The following UBXN4 variants were observed in gnomAD, a reference collection of about 807,000 sequenced individuals.
The protein encoded by UBXN4 is UBX domain protein 4, also known as UBX domain-containing protein 4.
A neutral mutation model predicts 66.2 loss-of-function variants in UBXN4; 35 were observed. That is an observed-to-expected ratio of 0.53 (90% CI 0.40 to 0.70). UBXN4 has a LOEUF of 0.70. Ranked by LOEUF, UBXN4 falls within the 30% of genes least tolerant of loss-of-function variation. The pLI, the probability that UBXN4 is intolerant of heterozygous loss-of-function variation, is 0.00. For missense variants in UBXN4, 533 were observed against 599.8 expected (o/e 0.89, Z 1.16); for synonymous variants, 203 against 204.5 (o/e 0.99, Z 0.06).
chr2:135,757,284 G>A (rs2077284108), intron 5 of UBXN4, among the ~76,000 whole-genome samples: 1 of 152,156 alleles, frequency 6.6e-6, no homozygotes, highest in African/African-American at 2.4e-5. Context: ...AGCCCATCCA[G>A]TGAATTTTTT....
chr2:135,762,049 A>G, intron 6 of UBXN4, 138 bp downstream of exon 6: 1 of 803,300 alleles, frequency 1.2e-6, no homozygotes, highest in Non-Finnish European at 2.0e-6. Context: ...CACCTAACTA[A>G]TTTGTATCCA....
At position 135,772,409 on chromosome 2, in the gene UBXN4, A is replaced by C; in HGVS notation, c.823-11A>C. The C allele has an allele frequency of 6.2e-7, 1 of 1,612,462 alleles. No individual in the cohort carries two copies. ...CAGTAAAGGTAATTGGTATTTAATG[A>C]TGTTTTAAAGGACCGTGCAGAGAGA... On this transcript the variant is annotated splice_polypyrimidine_tract_variant and intron_variant, in intron 8 of 12. Transcript: ENST00000272638.
At position 135,741,977 on chromosome 2, in the gene UBXN4, A is replaced by G; in HGVS notation, c.48A>G (p.Lys16=). 6.2e-7 allele frequency: 1 copy of G among 1,613,430 alleles called. No homozygotes were observed. Among genetic ancestry groups the G allele is most frequent in the South Asian group, 1.1e-5 (1 of 91,030 alleles). Residue 16 remains lysine, a synonymous_variant, in exon 1 of 13, where the codon AAA becomes AAG. Transcript: ENST00000272638. ...TTCCGGCCGCCATCGCGACGGCCAAAAGGAGCGGCGCGGTCTTCGTGGTGT... is the reference window on the plus strand; with the variant it reads ...TTCCGGCCGCCATCGCGACGGCCAAGAGGAGCGGCGCGGTCTTCGTGGTGT... ...GAIPAAIATA[K]RSGAVFVVFV...
At chr2:135,755,730 C>G in intron 5 of UBXN4, 39 bp downstream of exon 5, 1 of 1,255,312 alleles carries the variant, frequency 8.0e-7, no homozygotes, top group East Asian at 2.8e-5. Flanking sequence ...AATAGAAGCT[C>G]CTTCACTACA....
intron 12 of UBXN4, among the ~76,000 whole-genome samples, chr2:135,781,863 A>C (rs1419407105): frequency 6.6e-6 from 1 of 152,216 alleles, no homozygotes; most frequent in Non-Finnish European, 1.5e-5. Flanking sequence ...ACTTGAGGCC[A>C]GAAGTTTGAG....
intron 4 of UBXN4, among the ~76,000 whole-genome samples, chr2:135,754,940 T>C (rs532712903): frequency 1.3e-5 from 2 of 152,068 alleles, no homozygotes; most frequent in African/African-American, 4.8e-5. Flanking sequence ...CATGCCACCA[T>C]GCCCAGCTAA....
chr2:135,759,139 C>T (rs534306004), intron 5 of UBXN4, among the ~76,000 whole-genome samples: 1 of 152,316 alleles, frequency 6.6e-6, no homozygotes, highest in African/African-American at 2.4e-5. Flanking sequence ...TACTCATCAT[C>T]CTGCGTCAGT....
intron 12 of UBXN4, among the ~76,000 whole-genome samples, chr2:135,781,180 T>C (rs904547301): frequency 2.0e-5 from 3 of 152,190 alleles, no homozygotes; most frequent in Non-Finnish European, 2.9e-5. Flanking sequence ...GATTGTGCCA[T>C]TGCACTCCAG....
chr2:135,762,986 G>C (rs1334932774), intron 6 of UBXN4, among the ~76,000 whole-genome samples: 1 of 152,142 alleles, frequency 6.6e-6, no homozygotes, highest in African/African-American at 2.4e-5. Flanking sequence ...GCGCTATTTA[G>C]TTATACTGGA....
chr2:135,747,836 G>C (rs957725891), intron 1 of UBXN4: 2 of 357,306 alleles, frequency 5.6e-6, no homozygotes, highest in African/African-American at 4.3e-5. Context: ...GGCCAGTCTG[G>C]TCTCGAATTC....
chr2:135,754,327 G>GT, intron 4 of UBXN4, 50 bp downstream of exon 4: 1 of 1,463,824 alleles, frequency 6.8e-7, no homozygotes, highest in Non-Finnish European at 9.5e-7. Context: ...TCAGGAATTG[G>GT]ATTTTTTTTT....
At chr2:135,754,066 CA>C in intron 3 of UBXN4, 92 bp from the exon 4 acceptor site, 1 of 889,962 alleles carries the variant, frequency 1.1e-6, no homozygotes, top group South Asian at 1.6e-5. Context: ...GTGAAAATCA[CA>C]AAGATCATTT....
chr2:135,763,933 T>C (rs568905779), intron 6 of UBXN4, among the ~76,000 whole-genome samples: 1 of 152,106 alleles, frequency 6.6e-6, no homozygotes, highest in South Asian at 2.1e-4. Flanking sequence ...AAGACCAGCC[T>C]GGCCAACGTG....
rs1190786181 is a variant in UBXN4 at position 135,783,615 on chromosome 2, T to C, written c.*728T>C. On this transcript the variant is annotated 3_prime_UTR_variant, in exon 13 of 13. Transcript: ENST00000272638. ...GATGGCATGTGACTTGTCTCCTAAGTCAGTGAGGCATCACTTTGTTTGCAT... is the reference window on the plus strand; with the variant it reads ...GATGGCATGTGACTTGTCTCCTAAGCCAGTGAGGCATCACTTTGTTTGCAT... The C allele has an allele frequency of 6.6e-6, 1 of 152,190 alleles. No homozygotes were observed. The highest frequency in any genetic ancestry group is 1.5e-5 in the Non-Finnish European group (1 of 68,032). The allele number at this position is 152,190 out of a possible 1,614,324, so 9.4% of individuals were successfully genotyped here.
intron 8 of UBXN4, 34 bp from the exon 9 acceptor site, chr2:135,772,386 G>A: frequency 1.9e-6 from 3 of 1,603,166 alleles, no homozygotes; most frequent in South Asian, 1.1e-5. Flanking sequence ...CATTCTGGCA[G>A]TAAAGGTAAT....
chr2:135,776,238 T>A lies in UBXN4; in HGVS notation c.951-11T>A, dbSNP rs778857849. 2 of 1,609,896 alleles carry A rather than the reference T, an allele frequency of 1.2e-6. No individual in the cohort carries two copies. The highest frequency in any genetic ancestry group is 2.2e-5 in the South Asian group (2 of 90,842). ...GGTGAAGATTGTGACTTTAATTTTCTTTTTTCATAGCACTGTTGCAAGAAT... is the reference window on the plus strand; with the variant it reads ...GGTGAAGATTGTGACTTTAATTTTCATTTTTCATAGCACTGTTGCAAGAAT... On this transcript the variant is annotated splice_polypyrimidine_tract_variant and intron_variant, in intron 9 of 12. Transcript: ENST00000272638.
chr2:135,773,177 TTAAGCAAAAGAGGA>T (rs1305018917), intron 9 of UBXN4, among the ~76,000 whole-genome samples: 1 of 152,208 alleles, frequency 6.6e-6, no homozygotes, highest in Non-Finnish European at 1.5e-5. Context: ...TCCGATAGGA[TTAAGCAAAAGAGGA>T]AATACATTGG....
intron 9 of UBXN4, among the ~76,000 whole-genome samples, chr2:135,775,540 G>A (rs543192122): frequency 1.2e-4 from 18 of 152,222 alleles, no homozygotes; most frequent in Admixed American, 3.9e-4. Flanking sequence ...AGTTACAAAG[G>A]TCACATACTG....
chr2:135,745,728 A>G (rs1575312494), intron 1 of UBXN4, among the ~76,000 whole-genome samples: 1 of 152,112 alleles, frequency 6.6e-6, no homozygotes, highest in Non-Finnish European at 1.5e-5. Flanking sequence ...ATCTCTCCTC[A>G]TCAGATGGTT....
Sources: gnomAD v4.1 joint callset for allele counts (sites outside exome capture counted in the v4.1 genomes callset) on GRCh38, gnomAD v4.1.1 for gene constraint, MANE v1.5 for transcripts, NCBI Gene and HGNC (gene_info 2026-07-23, HGNC 2026-07-21) for gene names.